Variants in PLCG2 observed in about 807,000 individuals in gnomAD.
PLCG2 encodes 1-phosphatidylinositol 4,5-bisphosphate phosphodiesterase gamma-2.
A neutral mutation model predicts 175.6 loss-of-function variants in PLCG2; 69 were observed. The ratio of observed to expected loss-of-function variants is 0.39; its 90% confidence interval spans 0.32 to 0.48. The LOEUF (loss-of-function observed/expected upper bound fraction) is 0.48, where lower values mean the gene tolerates loss of function less well. PLCG2 is among the 20% of genes least tolerant of loss of function. The pLI, the probability that PLCG2 is intolerant of heterozygous loss-of-function variation, is 0.91. For missense variants in PLCG2, 1,798 were observed against 1,650.9 expected (o/e 1.09, Z -1.54); for synonymous variants, 827 against 624.0 (o/e 1.33, Z -4.85).
chr16:81,923,406 A>C, intron 21 of PLCG2, 79 bp from the exon 22 acceptor site: 1 of 822,558 alleles, frequency 1.2e-6, no homozygotes, highest in East Asian at 2.5e-5. Flanking sequence ...GAGAAGAACC[A>C]AATGGTACCT....
chr16:81,893,680 C>G, intron 11 of PLCG2, 29 bp from the exon 12 acceptor site: 1 of 1,487,196 alleles, frequency 6.7e-7, no homozygotes, highest in Non-Finnish European at 9.4e-7. Flanking sequence ...CTGCCACTCT[C>G]ACACGGCCAC....
intron 7 of PLCG2, among the ~76,000 whole-genome samples, chr16:81,878,294 T>C (rs1907913121): frequency 6.6e-6 from 1 of 152,052 alleles, no homozygotes. Flanking sequence ...CAAATCTCCC[T>C]CTTTTAAGAA....
At chr16:81,919,718 C>T in intron 20 of PLCG2, 54 bp downstream of exon 20, 2 of 1,471,102 alleles carry the variant, frequency 1.4e-6, no homozygotes, top group Non-Finnish European at 1.9e-6. Flanking sequence ...GAGGTTGTAA[C>T]TCATCTGTTC....
intron 2 of PLCG2, among the ~76,000 whole-genome samples, chr16:81,831,126 C>A (rs1373289098): frequency 6.6e-6 from 1 of 152,214 alleles, no homozygotes; most frequent in East Asian, 1.9e-4. Flanking sequence ...CCCCTCCCTC[C>A]TGGTCACACA....
intron 31 of PLCG2, among the ~76,000 whole-genome samples, chr16:81,950,481 T>G (rs1309215330): frequency 6.6e-6 from 1 of 152,208 alleles, no homozygotes; most frequent in Non-Finnish European, 1.5e-5. Flanking sequence ...ATTTGGAAAG[T>G]CTTGTATATA....
chr16:81,759,156 T>C (rs910494162), intron 2 of PLCG2, among the ~76,000 whole-genome samples: 21 of 152,218 alleles, frequency 1.4e-4, no homozygotes, highest in African/African-American at 4.8e-4. Context: ...GTCTTTTCAT[T>C]ATTGAGTTGT....
Position 81,779,339 on chromosome 16 carries a change from CCGAGTCGGGACGCGGGCT to C in PLCG2, c.-132_-115del, listed in dbSNP as rs1404853259. ...GAGGGCGTGAGCGGCGCTGAGTGAC[CCGAGTCGGGACGCGGGCT>C]GCGCGCGCGGGACCCCGGAGCCCAA... On this transcript the variant is annotated 5_prime_UTR_variant, in exon 1 of 33. Transcript: ENST00000564138. 8 of 150,752 alleles carry C rather than the reference CCGAGTCGGGACGCGGGCT, an allele frequency of 5.3e-5. No individual in the cohort carries two copies. The highest frequency in any genetic ancestry group is 1.7e-4 in the African/African-American group (7 of 41,262). The allele number at this position is 150,752 out of a possible 1,614,324, so 9.3% of individuals were successfully genotyped here.
At chr16:81,884,887 AT>A (rs892014771) in intron 9 of PLCG2, among the ~76,000 whole-genome samples, 18 of 149,534 alleles carry the variant, frequency 1.2e-4, no homozygotes, top group Non-Finnish European at 7.4e-5. Context: ...GCATTTTGCA[AT>A]TTTTTTTTTG....
intron 2 of PLCG2, among the ~76,000 whole-genome samples, chr16:81,812,838 A>C (rs1319124819): frequency 6.6e-6 from 1 of 151,780 alleles, no homozygotes; most frequent in Non-Finnish European, 1.5e-5. Context: ...ATCCATCTTG[A>C]GTTAATTTTT....
chr16:81,931,349 G>C, intron 24 of PLCG2, 148 bp from the exon 25 acceptor site: 1 of 648,512 alleles, frequency 1.5e-6, no homozygotes, highest in South Asian at 2.1e-5. Flanking sequence ...TACTTACCCC[G>C]ATGGAAAGTA....
At chr16:81,786,658 T>C (rs980378473) in intron 2 of PLCG2, among the ~76,000 whole-genome samples, 1 of 152,212 alleles carries the variant, frequency 6.6e-6, no homozygotes, top group Non-Finnish European at 1.5e-5. Context: ...TTGAACGTTT[T>C]GTAGCTTTCA....
intron 2 of PLCG2, among the ~76,000 whole-genome samples, chr16:81,825,732 C>T (rs749065583): frequency 6.6e-6 from 1 of 152,238 alleles, no homozygotes; most frequent in African/African-American, 2.4e-5. Flanking sequence ...GTAACCATCT[C>T]CTGAGATCCC....
intron 2 of PLCG2, among the ~76,000 whole-genome samples, chr16:81,757,776 C>T (rs1294202287): frequency 6.6e-6 from 1 of 151,964 alleles, no homozygotes; most frequent in Non-Finnish European, 1.5e-5. Flanking sequence ...TTTTCATCAC[C>T]CCCAAACAGA....
Position 81,818,883 on chromosome 16 carries a change from A to ATTTTTTTTTT in PLCG2, c.193+32716_193+32725dup, listed in dbSNP as rs57346304. Among the ~76,000 whole-genome samples, 187 of 106,604 alleles carry ATTTTTTTTTT rather than the reference A, an allele frequency of 1.8e-3. 6 individuals carry two copies. Among genetic ancestry groups the ATTTTTTTTTT allele is most frequent in the Non-Finnish European group, 2.9e-3 (158 of 55,162 alleles). The allele number at this position is 106,604 out of a possible 152,430, so 69.9% of individuals were successfully genotyped here. A position where few individuals can be genotyped will look rare whatever the true frequency, so the allele number is the denominator to read the frequency against. Reference sequence around the variant, plus strand: ...TCCATAAGCTAGTGTGGGCTCATGGATTTTTTTTTTTTTTTTTTTTTTTTA... The same window carrying ATTTTTTTTTT: ...TCCATAAGCTAGTGTGGGCTCATGGATTTTTTTTTTTTTTTTTTTTTTTTTTTTTTTTTTA... On this transcript the variant is annotated intron_variant, in intron 2 of 32. Coordinates refer to ENST00000564138, the MANE Select transcript of PLCG2 (RefSeq NM_002661.5).
chr16:81,893,478 T>G (rs887525162), intron 11 of PLCG2, among the ~76,000 whole-genome samples: 1 of 152,218 alleles, frequency 6.6e-6, no homozygotes, highest in Non-Finnish European at 1.5e-5. Flanking sequence ...GCCCAGGTGG[T>G]CAGCAGTCAC....
chr16:81,905,609 T>A, intron 15 of PLCG2, 102 bp downstream of exon 15: 1 of 712,968 alleles, frequency 1.4e-6, no homozygotes, highest in South Asian at 1.6e-5. Context: ...CTTGTTCCCA[T>A]TTTTAGTCAA....
chr16:81,757,919 C>T (rs1352996322), intron 2 of PLCG2, among the ~76,000 whole-genome samples: 1 of 152,106 alleles, frequency 6.6e-6, no homozygotes, highest in Admixed American at 6.5e-5. Flanking sequence ...AATATGTGGC[C>T]TTTTGTGTCA....
In PLCG2 at chr16:81,907,753, T is replaced by G; in HGVS notation, c.1536T>G (p.Thr512=). 1 of 1,613,574 alleles carries G rather than the reference T, an allele frequency of 6.2e-7. No individual in the cohort carries two copies. Among genetic ancestry groups the G allele is most frequent in the Non-Finnish European group, 8.5e-7 (1 of 1,179,642 alleles). ...KLSFSDDIEQ[T]MEEEVPQDIP... Reference sequence around the variant, plus strand: ...CCTTCAGTGATGACATTGAACAGACTATGGAGGAGGAAGTGCCCCAGGTAG... The same window carrying G: ...CCTTCAGTGATGACATTGAACAGACGATGGAGGAGGAAGTGCCCCAGGTAG... The change falls in exon 16 of 33, where the codon ACT becomes ACG. Residue 512 remains threonine (T), a synonymous_variant. Transcript: ENST00000564138.
At chr16:81,856,435 C>G (rs1339272483) in intron 3 of PLCG2, among the ~76,000 whole-genome samples, 2 of 152,096 alleles carry the variant, frequency 1.3e-5, no homozygotes, top group African/African-American at 4.8e-5. Context: ...CTTAACCACT[C>G]CTCAATGCCG....
Sources: gnomAD v4.1 joint callset for allele counts (sites outside exome capture counted in the v4.1 genomes callset) on GRCh38, gnomAD v4.1.1 for gene constraint, MANE v1.5 for transcripts, NCBI Gene and HGNC (gene_info 2026-07-23, HGNC 2026-07-21) for gene names.